DLC1: variants seen among roughly 807,000 people sequenced by gnomAD.
The protein encoded by DLC1 is DLC1 Rho GTPase activating protein.
A neutral mutation model predicts 140.3 loss-of-function variants in DLC1; 54 were observed. The observed-to-expected ratio is 0.38, with a 90% CI of 0.31 to 0.48. DLC1 has a LOEUF of 0.48. Ranked by LOEUF, DLC1 falls within the 20% of genes least tolerant of loss-of-function variation. The pLI, the probability that DLC1 is intolerant of heterozygous loss-of-function variation, is 0.96. For missense variants in DLC1, 2,536 were observed against 1,907.0 expected, an observed-to-expected ratio of 1.33 and a Z score of -6.14; for synonymous variants, 986 against 728.1, an observed-to-expected ratio of 1.35 and a Z score of -5.70.
At chr8:13,311,963 A>C (rs1000784280) in intron 4 of DLC1, among the ~76,000 whole-genome samples, 3 of 152,186 alleles carry the variant, frequency 2.0e-5, no homozygotes, top group Non-Finnish European at 4.4e-5. Context: ...GTCTTGAGAT[A>C]CCTAAATGTT....
Position 13,355,436 on chromosome 8 carries a change from T to G in DLC1, c.1314+38117A>C, listed in dbSNP as rs1834892195. On this transcript the variant is annotated intron_variant, in intron 4 of 17. Transcript: ENST00000276297. ...ACGTGACTAAAACAACAGAAATTTA[T>G]TTCTCACAGTTCTGGAAACTGGAAG... Among the ~76,000 whole-genome samples, 3 of 152,182 alleles carry G rather than the reference T, an allele frequency of 2.0e-5. No homozygotes were observed. In the South Asian group the frequency reaches 6.2e-4, roughly 31 times the overall value.
intron 5 of DLC1, among the ~76,000 whole-genome samples, chr8:13,167,963 C>G (rs772918950): frequency 6.6e-6 from 1 of 152,072 alleles, no homozygotes; most frequent in Non-Finnish European, 1.5e-5. Context: ...ATACTTAGTC[C>G]CTTTAGAGTG....
chr8:13,191,393 G>C (rs1473139124), intron 5 of DLC1, among the ~76,000 whole-genome samples: 1 of 152,158 alleles, frequency 6.6e-6, no homozygotes. Flanking sequence ...TGTAATCCTA[G>C]CTACTTGGGA....
At chr8:13,514,097 T>G (rs1284857816) in intron 1 of DLC1, among the ~76,000 whole-genome samples, 2 of 152,096 alleles carry the variant, frequency 1.3e-5, no homozygotes, top group Admixed American at 6.5e-5. Flanking sequence ...TGATTGAAAC[T>G]GGCTTGGGTA....
At chr8:13,227,894 G>T (rs1014110707) in intron 5 of DLC1, among the ~76,000 whole-genome samples, 2 of 151,978 alleles carry the variant, frequency 1.3e-5, no homozygotes, top group African/African-American at 4.8e-5. Context: ...AATGAATCTT[G>T]GTCTGAATAT....
Position 13,219,651 on chromosome 8 carries a change from A to T in DLC1, c.1348+85618T>A, listed in dbSNP as rs542379105. Among the ~76,000 whole-genome samples, 2 of 151,868 alleles carry T rather than the reference A, an allele frequency of 1.3e-5. 1 individual carries two copies. Reference sequence around the variant, plus strand: ...CTTGGAGATATTTTTGGAGATATCTATATATCTATATCTATATCTCCAAGA... The same window carrying T: ...CTTGGAGATATTTTTGGAGATATCTTTATATCTATATCTATATCTCCAAGA... On this transcript the variant is annotated intron_variant, in intron 5 of 17. Transcript: ENST00000276297.
At chr8:13,416,582 T>C (rs985044592) in intron 2 of DLC1, among the ~76,000 whole-genome samples, 4 of 152,164 alleles carry the variant, frequency 2.6e-5, no homozygotes, top group African/African-American at 9.7e-5. Context: ...AAATGTTTCA[T>C]TTCAGAATCA....
At chr8:13,592,518 T>TA (rs1435227022) in intron 1 of DLC1, among the ~76,000 whole-genome samples, 1 of 152,138 alleles carries the variant, frequency 6.6e-6, no homozygotes, top group East Asian at 1.9e-4. Context: ...CATTGACCAA[T>TA]ATATTTCTAT....
intron 5 of DLC1, among the ~76,000 whole-genome samples, chr8:13,171,931 T>A (rs968237245): frequency 1.3e-5 from 2 of 152,162 alleles, no homozygotes; most frequent in Non-Finnish European, 2.9e-5. Context: ...GCTACGGGTA[T>A]CTGAATGCTC....
chr8:13,293,592 G>A (rs1366282933), intron 5 of DLC1, among the ~76,000 whole-genome samples: 2 of 152,150 alleles, frequency 1.3e-5, no homozygotes, highest in Non-Finnish European at 2.9e-5. Context: ...CATGGCATGC[G>A]GGGTGACAAA....
At position 13,439,937 on chromosome 8, in the gene DLC1, C is replaced by A. The variant is rs563963174; in HGVS notation, c.1024-38318G>T. Among the ~76,000 whole-genome samples, 4 of 152,152 alleles carry A rather than the reference C, an allele frequency of 2.6e-5. No homozygotes were observed. In the South Asian group the frequency reaches 8.3e-4, roughly 32 times the overall value. On this transcript the variant is annotated intron_variant, in intron 2 of 17. Transcript: ENST00000276297. ...TCGTCATCAGTTTTTTCAGCTTATC[C>A]TTAGAGCATCTTCCCAGCAGAAGAA...
At chr8:13,492,924 T>C (rs908713300) in intron 2 of DLC1, among the ~76,000 whole-genome samples, 1 of 152,214 alleles carries the variant, frequency 6.6e-6, no homozygotes, top group Non-Finnish European at 1.5e-5. Context: ...CATGAAATTA[T>C]TTGATAGTTT....
At chr8:13,316,088 C>G (rs1192218063) in intron 4 of DLC1, among the ~76,000 whole-genome samples, 1 of 152,224 alleles carries the variant, frequency 6.6e-6, no homozygotes, top group Admixed American at 6.5e-5. Flanking sequence ...GCAGGTTGCG[C>G]ACTGGCTTAA....
intron 5 of DLC1, among the ~76,000 whole-genome samples, chr8:13,132,144 TC>T (rs1460278274): frequency 1.3e-5 from 2 of 150,952 alleles, no homozygotes; most frequent in African/African-American, 4.9e-5. Flanking sequence ...GGGGTGGGCA[TC>T]CCCAAGGGGG....
intron 4 of DLC1, among the ~76,000 whole-genome samples, chr8:13,392,367 T>G (rs2117209941): frequency 6.6e-6 from 1 of 152,312 alleles, no homozygotes; most frequent in Admixed American, 6.5e-5. Flanking sequence ...TCCATAAAAA[T>G]GTTTTAGATA....
chr8:13,176,478 C>G (rs1825766016), intron 5 of DLC1, among the ~76,000 whole-genome samples: 1 of 152,126 alleles, frequency 6.6e-6, no homozygotes. Context: ...ACTCTGGAGG[C>G]TGAGGCAGGA....
chr8:13,474,666 G>A (rs1420959200), intron 2 of DLC1, among the ~76,000 whole-genome samples: 1 of 152,196 alleles, frequency 6.6e-6, no homozygotes, highest in Non-Finnish European at 1.5e-5. Flanking sequence ...CAAGATCATA[G>A]GAACACACCT....
intron 2 of DLC1, among the ~76,000 whole-genome samples, chr8:13,428,259 T>C (rs143942023): frequency 2.0e-5 from 3 of 152,232 alleles, no homozygotes; most frequent in Non-Finnish European, 4.4e-5. Context: ...GATACAATCA[T>C]AAATTCATTT....
intron 5 of DLC1, among the ~76,000 whole-genome samples, chr8:13,279,224 C>T (rs147249662): frequency 1.3e-5 from 2 of 152,278 alleles, no homozygotes; most frequent in African/African-American, 2.4e-5. Flanking sequence ...CCAAGAGAAC[C>T]AAGGTCTGGT....
Sources: gnomAD v4.1 joint callset for allele counts (sites outside exome capture counted in the v4.1 genomes callset) on GRCh38, gnomAD v4.1.1 for gene constraint, MANE v1.5 for transcripts, NCBI Gene and HGNC (gene_info 2026-07-23, HGNC 2026-07-21) for gene names.